Variants in NCAM1 observed in about 807,000 individuals in gnomAD.
The protein encoded by NCAM1 is neural cell adhesion molecule 1.
NCAM1 carries 14 observed loss-of-function variants against 109.8 expected under a neutral mutation model. The observed-to-expected ratio is 0.13, with a 90% CI of 0.08 to 0.20. The LOEUF (loss-of-function observed/expected upper bound fraction) is 0.20. Among genes scored for constraint, NCAM1 ranks in the 10% least tolerant of loss-of-function variants. The probability of loss-of-function intolerance (pLI) is 1.00; values close to 1 mark genes in which losing one functional copy is unlikely to be tolerated. For synonymous variants in NCAM1, 418 were observed against 442.9 expected (o/e 0.94, Z 0.70); for missense variants, 774 against 1,109.9 (o/e 0.70, Z 4.30).
chr11:113,236,332 A>G, intron 14 of NCAM1: 1 of 1,610,912 alleles, frequency 6.2e-7, no homozygotes, highest in Non-Finnish European at 8.5e-7. Flanking sequence ...GCCTCTTCAT[A>G]CCTCATTACC....
chr11:113,215,418 T>G lies in NCAM1; in HGVS notation c.1059+907T>G, dbSNP rs537401392. On this transcript the variant is annotated intron_variant, in intron 8 of 19. Coordinates refer to ENST00000316851, the MANE Select transcript of NCAM1 (RefSeq NM_181351.5). ...GTCAGGAATAATGGCCTTAGCCTTATGGAACATTTGTAATGGATTGCTTAT... is the reference window on the plus strand; with the variant it reads ...GTCAGGAATAATGGCCTTAGCCTTAGGGAACATTTGTAATGGATTGCTTAT... Among the ~76,000 whole-genome samples, 7 of 152,340 alleles carry G rather than the reference T, an allele frequency of 4.6e-5. No homozygotes were observed. The South Asian group carries it at 1.5e-3, about 32-fold the overall frequency.
intron 9 of NCAM1, among the ~76,000 whole-genome samples, chr11:113,226,785 A>G (rs1555116315): frequency 1.3e-5 from 2 of 152,216 alleles, no homozygotes. Flanking sequence ...CTCACTCAAA[A>G]CCGCTCAACT....
At chr11:113,110,280 C>G (rs1283281341) in intron 1 of NCAM1, among the ~76,000 whole-genome samples, 2 of 152,138 alleles carry the variant, frequency 1.3e-5, no homozygotes, top group Non-Finnish European at 2.9e-5. Flanking sequence ...TGTATTATGG[C>G]CTTGGGAAGA....
intron 1 of NCAM1, chr11:113,197,095 AACTC>A (rs1428582176): frequency 6.4e-6 from 1 of 155,802 alleles, no homozygotes; most frequent in Non-Finnish European, 1.4e-5. Context: ...GATCTCTGAG[AACTC>A]ACTCACTATC....
At chr11:113,037,574 A>G (rs1292480679) in intron 1 of NCAM1, among the ~76,000 whole-genome samples, 1 of 152,174 alleles carries the variant, frequency 6.6e-6, no homozygotes, top group Non-Finnish European at 1.5e-5. Context: ...GAGTTCATTT[A>G]AGAAGCATCT....
Position 112,975,287 on chromosome 11 carries a change from T to A in NCAM1, c.52+13623T>A, listed in dbSNP as rs139412090. ...ATGAACACATTGGCAAGTGGCCATG[T>A]CTCAGACTTGTTGGGTAGTTAAATG... On this transcript the variant is annotated intron_variant, in intron 1 of 19. Coordinates refer to ENST00000316851, the MANE Select transcript of NCAM1 (RefSeq NM_181351.5). Among the ~76,000 whole-genome samples the A allele has an allele frequency of 5.9e-5, 9 of 152,178 alleles. No homozygotes were observed. In the East Asian group the frequency reaches 1.7e-3, roughly 29 times the overall value.
intron 1 of NCAM1, among the ~76,000 whole-genome samples, chr11:113,189,464 AAAAGAAAAGAAAAG>A (rs1565488150): frequency 6.7e-6 from 1 of 150,250 alleles, no homozygotes; most frequent in African/African-American, 2.5e-5. Flanking sequence ...AAAAAAAAAA[AAAAGAAAAGAAAAG>A]AAGCATAGCC....
chr11:113,216,983 A>T (rs555463263), intron 8 of NCAM1, among the ~76,000 whole-genome samples: 1 of 152,340 alleles, frequency 6.6e-6, no homozygotes, highest in South Asian at 2.1e-4. Flanking sequence ...AGGAATCAAG[A>T]TTACTAGCAT....
chr11:113,268,773 A>G (rs1946198656), intron 17 of NCAM1, among the ~76,000 whole-genome samples: 2 of 152,102 alleles, frequency 1.3e-5, no homozygotes, highest in African/African-American at 4.8e-5. Flanking sequence ...TCCACTATCT[A>G]TCTGGCATGT....
intron 1 of NCAM1, among the ~76,000 whole-genome samples, chr11:113,018,445 A>G (rs1406691599): frequency 2.0e-5 from 3 of 152,152 alleles, no homozygotes; most frequent in South Asian, 2.1e-4. Flanking sequence ...TGTTTGGGCA[A>G]CCCTTCCCTT....
intron 15 of NCAM1, among the ~76,000 whole-genome samples, chr11:113,254,193 C>G (rs1198622861): frequency 2.6e-5 from 4 of 152,172 alleles, no homozygotes; most frequent in Non-Finnish European, 4.4e-5. Context: ...CGTGTCTAAA[C>G]CAAATTTCTA....
intron 1 of NCAM1, among the ~76,000 whole-genome samples, chr11:113,079,387 C>T (rs1938684101): frequency 1.3e-5 from 2 of 152,324 alleles, no homozygotes; most frequent in East Asian, 1.9e-4. Context: ...GCAGTGACCC[C>T]AGCACCTCCT....
chr11:112,981,037 G>C (rs1951141037), intron 1 of NCAM1, among the ~76,000 whole-genome samples: 1 of 151,560 alleles, frequency 6.6e-6, no homozygotes, highest in African/African-American at 2.4e-5. Context: ...TTTATTCTGG[G>C]GAGCTGTTAC....
intron 1 of NCAM1, among the ~76,000 whole-genome samples, chr11:113,032,283 CT>C (rs1218311291): frequency 1.3e-5 from 2 of 152,144 alleles, no homozygotes; most frequent in Admixed American, 6.5e-5. Flanking sequence ...TACTTTTGGA[CT>C]TTCTTTGTTC....
chr11:113,239,475 A>G (rs1437541759), intron 14 of NCAM1, among the ~76,000 whole-genome samples: 1 of 147,472 alleles, frequency 6.8e-6, no homozygotes, highest in Non-Finnish European at 1.5e-5. Context: ...CTTTTTGAAT[A>G]TAGAGATTAT....
At chr11:113,166,650 T>C (rs1427817582) in intron 1 of NCAM1, among the ~76,000 whole-genome samples, 1 of 152,154 alleles carries the variant, frequency 6.6e-6, no homozygotes, top group Non-Finnish European at 1.5e-5. Context: ...TAACAAATAA[T>C]GACTTTGTTA....
Position 113,116,607 on chromosome 11 carries a change from T to G in NCAM1, c.53-85772T>G, listed in dbSNP as rs782731728. 2.0e-5 allele frequency among the ~76,000 whole-genome samples: 3 copies of G among 152,236 alleles called. No individual in the cohort carries two copies. In the South Asian group the frequency reaches 6.2e-4, roughly 32 times the overall value. ...ACAGGGAGAAGAGCTTCTGGCTTTT[T>G]CTATGGGTTTGTCCTGTCAAACATT... On this transcript the variant is annotated intron_variant, in intron 1 of 19. Transcript: ENST00000316851.
Position 113,271,815 on chromosome 11 carries a change from C to T in NCAM1, c.2395C>T (p.Pro799Ser), listed in dbSNP as rs2137783763. The change falls in exon 19 of 20, where the codon CCA (proline) becomes TCA (serine). Residue 799 changes from proline (P) to serine (S), a missense_variant. Pro to Ser is a moderately conservative substitution (Grantham distance 74). Around this residue, in one of 4 missense-constraint regions of NCAM1, gnomAD observed 122 missense variants for 129.7 expected, o/e 0.94. Coordinates refer to ENST00000316851, the MANE Select transcript of NCAM1 (RefSeq NM_181351.5). ...VEVRTEEERT[P>S]NHDGGKHTEP... Reference sequence around the variant, plus strand: ...GGTTCGAACGGAGGAGGAGAGGACCCCAAACCATGATGGAGGGAAACACAC... The same window carrying T: ...GGTTCGAACGGAGGAGGAGAGGACCTCAAACCATGATGGAGGGAAACACAC... 6 of 1,572,552 alleles carry T rather than the reference C, an allele frequency of 3.8e-6. No homozygotes were observed. Among genetic ancestry groups the T allele is most frequent in the Admixed American group, 1.9e-5 (1 of 53,848 alleles).
intron 1 of NCAM1, among the ~76,000 whole-genome samples, chr11:113,172,335 A>C (rs1300303656): frequency 6.6e-6 from 1 of 152,202 alleles, no homozygotes; most frequent in Non-Finnish European, 1.5e-5. Flanking sequence ...CGTGTATTGC[A>C]TGAAGCTCAT....
Sources: allele counts gnomAD v4.1 joint callset (sites outside exome capture counted in the v4.1 genomes callset), GRCh38; gene constraint gnomAD v4.1.1; regional missense constraint gnomAD v4.1.1; transcripts MANE v1.5; gene names NCBI Gene and HGNC (gene_info 2026-07-23, HGNC 2026-07-21).